The following PCDH9 variants were observed in gnomAD, a reference collection of about 807,000 sequenced individuals.
PCDH9 encodes protocadherin-9.
A neutral mutation model predicts 70.6 loss-of-function variants in PCDH9; 24 were observed. That is an observed-to-expected ratio of 0.34 (90% CI 0.25 to 0.48). The LOEUF is 0.48. Ranked by LOEUF, PCDH9 falls within the 20% of genes least tolerant of loss-of-function variation. The pLI is 0.99. For synonymous variants in PCDH9, 562 were observed against 558.5 expected, an observed-to-expected ratio of 1.01 and a Z score of -0.09; for missense variants, 1,281 against 1,503.6, an observed-to-expected ratio of 0.85 and a Z score of 2.45.
chr13:66,547,910 T>TATG (rs1317450375), intron 4 of PCDH9, among the ~76,000 whole-genome samples: 1 of 145,216 alleles, frequency 6.9e-6, no homozygotes, highest in Non-Finnish European at 1.5e-5. Flanking sequence ...TATATAATAA[T>TATG]ATATTTAATC....
chr13:66,674,766 G>A (rs954567778), intron 3 of PCDH9, among the ~76,000 whole-genome samples: 5 of 151,896 alleles, frequency 3.3e-5, no homozygotes, highest in Admixed American at 1.3e-4. Flanking sequence ...CATCTAATTA[G>A]TATTCATTTG....
At chr13:66,363,434 C>T (rs575930930) in intron 4 of PCDH9, among the ~76,000 whole-genome samples, 5 of 152,062 alleles carry the variant, frequency 3.3e-5, no homozygotes, top group South Asian at 2.1e-4. Flanking sequence ...GAGAACTATA[C>T]GTATCGGATT....
At chr13:67,006,415 T>C (rs1447416031) in intron 2 of PCDH9, among the ~76,000 whole-genome samples, 1 of 152,232 alleles carries the variant, frequency 6.6e-6, no homozygotes, top group African/African-American at 2.4e-5. Context: ...GAATCTTGGC[T>C]GAAATTATCA....
chr13:66,617,995 G>A (rs1048620848), intron 4 of PCDH9, among the ~76,000 whole-genome samples: 1 of 152,166 alleles, frequency 6.6e-6, no homozygotes, highest in African/African-American at 2.4e-5. Context: ...GCCAGCCTGC[G>A]CACTGAGTTG....
At chr13:66,833,610 A>G (rs2080965159) in intron 3 of PCDH9, among the ~76,000 whole-genome samples, 1 of 152,198 alleles carries the variant, frequency 6.6e-6, no homozygotes, top group Admixed American at 6.5e-5. Context: ...GATTATATTT[A>G]CAAGGGCATG....
At chr13:66,520,464 GC>G (rs1259552250) in intron 4 of PCDH9, among the ~76,000 whole-genome samples, 2 of 152,220 alleles carry the variant, frequency 1.3e-5, no homozygotes, top group African/African-American at 2.4e-5. Flanking sequence ...GCATTTTCCT[GC>G]AGTAGTTCTG....
At chr13:66,341,522 G>A (rs1956124365) in intron 4 of PCDH9, among the ~76,000 whole-genome samples, 1 of 152,046 alleles carries the variant, frequency 6.6e-6, no homozygotes, top group Non-Finnish European at 1.5e-5. Flanking sequence ...TCTTAGCCCA[G>A]CCCCCACCTC....
At chr13:66,341,520 C>T (rs1956124297) in intron 4 of PCDH9, among the ~76,000 whole-genome samples, 1 of 152,076 alleles carries the variant, frequency 6.6e-6, no homozygotes, top group Non-Finnish European at 1.5e-5. Context: ...AGTCTTAGCC[C>T]AGCCCCCACC....
At position 66,724,821 on chromosome 13, in the gene PCDH9, C is replaced by T; in HGVS notation, c.3139-93410G>A. Among the ~76,000 whole-genome samples, 2 of 152,164 alleles carry T rather than the reference C, an allele frequency of 1.3e-5. 1 individual carries two copies. The highest frequency in any genetic ancestry group is 6.3e-3 in the Middle Eastern group (2 of 316). On this transcript the variant is annotated intron_variant, in intron 3 of 4. Transcript: ENST00000377865. ...GTGTCTCTCCCAAAATTTGCCCACACTTCCCTACCTGCCTTGAAGTCTGCA... is the reference window on the plus strand; with the variant it reads ...GTGTCTCTCCCAAAATTTGCCCACATTTCCCTACCTGCCTTGAAGTCTGCA...
intron 2 of PCDH9, among the ~76,000 whole-genome samples, chr13:67,197,603 G>T (rs779369357): frequency 2.6e-5 from 4 of 151,892 alleles, no homozygotes; most frequent in Non-Finnish European, 5.9e-5. Context: ...ATATCTGCAG[G>T]TATATGAATT....
chr13:66,945,914 T>C (rs935511204), intron 2 of PCDH9, among the ~76,000 whole-genome samples: 1 of 152,196 alleles, frequency 6.6e-6, no homozygotes, highest in Non-Finnish European at 1.5e-5. Flanking sequence ...TTTCAAAATG[T>C]AACAAATTGT....
intron 3 of PCDH9, among the ~76,000 whole-genome samples, chr13:66,699,418 T>C (rs1409326012): frequency 1.3e-5 from 2 of 152,102 alleles, no homozygotes; most frequent in Non-Finnish European, 2.9e-5. Context: ...AAAGCATCCT[T>C]GCATATGTAA....
intron 3 of PCDH9, among the ~76,000 whole-genome samples, chr13:66,679,457 A>C (rs933996151): frequency 1.3e-5 from 2 of 151,960 alleles, no homozygotes; most frequent in African/African-American, 4.8e-5. Flanking sequence ...AAAGTACTGG[A>C]TCCAATAGCT....
At chr13:66,925,639 G>T (rs892867091) in intron 2 of PCDH9, among the ~76,000 whole-genome samples, 19 of 151,654 alleles carry the variant, frequency 1.3e-4, no homozygotes, top group African/African-American at 4.6e-4. Flanking sequence ...TATTCATATT[G>T]CATATTAAAT....
At chr13:67,122,287 C>T (rs1227459527) in intron 2 of PCDH9, among the ~76,000 whole-genome samples, 1 of 152,048 alleles carries the variant, frequency 6.6e-6, no homozygotes, top group African/African-American at 2.4e-5. Context: ...ATTGTAATTT[C>T]ACAAAGTTAT....
chr13:66,887,136 T>A (rs1391697183), intron 3 of PCDH9, among the ~76,000 whole-genome samples: 1 of 151,972 alleles, frequency 6.6e-6, no homozygotes, highest in East Asian at 1.9e-4. Context: ...CAATGCCTTT[T>A]TTTTTTTCTG....
chr13:66,673,320 C>T (rs114251382), intron 3 of PCDH9, among the ~76,000 whole-genome samples: 4,262 of 152,254 alleles, frequency 0.028, 91 homozygotes, highest in Middle Eastern at 0.037. Flanking sequence ...GCCTTTGCTC[C>T]TCCTTCGTTC....
chr13:66,569,221 T>G (rs1368856807), intron 4 of PCDH9, among the ~76,000 whole-genome samples: 1 of 152,000 alleles, frequency 6.6e-6, no homozygotes, highest in Non-Finnish European at 1.5e-5. Flanking sequence ...TTTCACCATG[T>G]TGGCCAGGCT....
chr13:66,754,095 T>C (rs1276493075), intron 3 of PCDH9, among the ~76,000 whole-genome samples: 2 of 152,142 alleles, frequency 1.3e-5, no homozygotes, highest in Non-Finnish European at 2.9e-5. Context: ...ACTTTTATTC[T>C]CTTTGTTCTA....
Sources: gnomAD v4.1 joint callset for allele counts (sites outside exome capture counted in the v4.1 genomes callset) on GRCh38, gnomAD v4.1.1 for gene constraint, MANE v1.5 for transcripts, NCBI Gene and HGNC (gene_info 2026-07-23, HGNC 2026-07-21) for gene names.